The following ATAD2B variants were observed in gnomAD, a reference collection of about 807,000 sequenced individuals.
ATAD2B encodes ATPase family AAA domain containing 2B.
Under a neutral mutation model 167.6 loss-of-function variants are expected in ATAD2B, and 40 were observed. The observed-to-expected ratio is 0.24, with a 90% confidence interval of 0.19 to 0.31. The LOEUF (loss-of-function observed/expected upper bound fraction) is 0.31. Ranked by LOEUF, ATAD2B falls within the 10% of genes least tolerant of loss-of-function variation. The pLI is 1.00. For missense variants in ATAD2B, 1,242 were observed against 1,757.2 expected, an observed-to-expected ratio of 0.71 and a Z score of 5.24; for synonymous variants, 579 against 596.5, an observed-to-expected ratio of 0.97 and a Z score of 0.43.
intron 1 of ATAD2B, among the ~76,000 whole-genome samples, chr2:23,909,829 G>C (rs1455865655): frequency 6.6e-6 from 1 of 151,920 alleles, no homozygotes; most frequent in East Asian, 1.9e-4. Flanking sequence ...CTGAGGTTGA[G>C]TATTGCATAA....
intron 13 of ATAD2B, among the ~76,000 whole-genome samples, chr2:23,851,369 G>A (rs1035963247): frequency 6.6e-6 from 1 of 152,164 alleles, no homozygotes; most frequent in Non-Finnish European, 1.5e-5. Flanking sequence ...TCAAACTGCT[G>A]AGCTCAAGAG....
intron 1 of ATAD2B, among the ~76,000 whole-genome samples, chr2:23,898,213 G>C (rs1700370711): frequency 6.6e-6 from 1 of 152,158 alleles, no homozygotes; most frequent in African/African-American, 2.4e-5. Context: ...AAAGTGCTAG[G>C]ATTATAGGTG....
At chr2:23,818,109 AC>A (rs1558590760) in intron 17 of ATAD2B, among the ~76,000 whole-genome samples, 2 of 130,104 alleles carry the variant, frequency 1.5e-5, no homozygotes, top group East Asian at 4.1e-4. Flanking sequence ...ACACACACAC[AC>A]ACACACACAC....
chr2:23,890,968 A>G (rs2150320515), intron 2 of ATAD2B, among the ~76,000 whole-genome samples: 1 of 152,282 alleles, frequency 6.6e-6, no homozygotes, highest in Admixed American at 6.5e-5. Context: ...AGACTGAAAA[A>G]GGAGACACGA....
At chr2:23,842,036 C>A (rs1282570526) in intron 13 of ATAD2B, among the ~76,000 whole-genome samples, 1 of 152,122 alleles carries the variant, frequency 6.6e-6, no homozygotes, top group African/African-American at 2.4e-5. Flanking sequence ...ATAAACAACA[C>A]ATCATTATAT....
the ATAD2B span, chr2:23,688,807 C>G: frequency 2.6e-5 from 4 of 152,324 alleles, no homozygotes; most frequent in South Asian, 8.3e-4. Flanking sequence ...GCACCCCAAG[C>G]CATTCACTCC....
intron 1 of ATAD2B, among the ~76,000 whole-genome samples, chr2:23,899,596 C>CT (rs959596288): frequency 1.3e-5 from 2 of 151,348 alleles, no homozygotes; most frequent in African/African-American, 4.9e-5. Context: ...TCATTTTTTT[C>CT]TTTTTTTTCT....
the ATAD2B span, chr2:23,691,513 G>A: frequency 1.6e-6 from 1 of 618,980 alleles, no homozygotes; most frequent in South Asian, 1.9e-5. Flanking sequence ...TTCTCTTTCA[G>A]ATCCCGTGTC....
At chr2:23,855,718 G>A (rs78546640) in intron 13 of ATAD2B, among the ~76,000 whole-genome samples, 24 of 152,288 alleles carry the variant, frequency 1.6e-4, no homozygotes, top group Non-Finnish European at 2.6e-4. Flanking sequence ...GCGAGACTCC[G>A]TCTCTACAAC....
At chr2:23,861,248 A>C (rs946012224) in intron 12 of ATAD2B, among the ~76,000 whole-genome samples, 2 of 151,182 alleles carry the variant, frequency 1.3e-5, no homozygotes, top group African/African-American at 4.9e-5. Flanking sequence ...GTGTCTTCTC[A>C]GTGAAATCTC....
the ATAD2B span, among the ~76,000 whole-genome samples, chr2:23,724,771 C>T: frequency 3.9e-5 from 6 of 152,068 alleles, no homozygotes; most frequent in African/African-American, 7.2e-5. Flanking sequence ...AGGCTGGGCA[C>T]GGTGGCTCAC....
chr2:23,890,247 C>G (rs1290500382), intron 2 of ATAD2B, among the ~76,000 whole-genome samples: 2 of 151,476 alleles, frequency 1.3e-5, no homozygotes, highest in Non-Finnish European at 2.9e-5. Flanking sequence ...TAACAAAAAA[C>G]AAAACAAAAA....
intron 16 of ATAD2B, among the ~76,000 whole-genome samples, chr2:23,821,651 G>A (rs756952719): frequency 5.3e-5 from 8 of 152,082 alleles, no homozygotes; most frequent in Non-Finnish European, 1.2e-4. Flanking sequence ...TCTATTTGGT[G>A]CAGACTGCAT....
At chr2:23,759,225 T>C (rs1002705550) in intron 24 of ATAD2B, among the ~76,000 whole-genome samples, 6 of 152,166 alleles carry the variant, frequency 3.9e-5, no homozygotes, top group Admixed American at 6.5e-5. Flanking sequence ...TCTGTGGTTA[T>C]GAACATAATA....
chr2:23,843,511 T>A (rs1328452893), intron 13 of ATAD2B, among the ~76,000 whole-genome samples: 1 of 152,336 alleles, frequency 6.6e-6, no homozygotes, highest in African/African-American at 2.4e-5. Context: ...CGGGCTGTGA[T>A]ACAGGCAGAT....
At chr2:23,775,959 T>C (rs1679045785) in intron 22 of ATAD2B, among the ~76,000 whole-genome samples, 2 of 152,064 alleles carry the variant, frequency 1.3e-5, no homozygotes, top group Admixed American at 6.6e-5. Context: ...CTATTAAAAA[T>C]ACAAAAATTA....
downstream of ATAD2B, among the ~76,000 whole-genome samples, chr2:23,745,368 AGAAGGAAGGAAGGAAGGAAGGAAG>A (rs767435573): frequency 1.1e-4 from 6 of 52,884 alleles, no homozygotes; most frequent in Non-Finnish European, 1.8e-4. Flanking sequence ...AAGGAAGGAA[AGAAGGAAGGAAGGAAGGAAGGAAG>A]GAAGGAAGGA....
chr2:23,774,239 G>A (rs1024893891), intron 22 of ATAD2B, among the ~76,000 whole-genome samples: 1 of 152,144 alleles, frequency 6.6e-6, no homozygotes, highest in Non-Finnish European at 1.5e-5. Flanking sequence ...AGGATCACTT[G>A]AAGAGTTTGA....
chr2:23,884,699 T>C, intron 6 of ATAD2B, 66 bp downstream of exon 6: 1 of 838,414 alleles, frequency 1.2e-6, no homozygotes. Context: ...CATATATTAC[T>C]TGTATATTTT....
Sources: gnomAD v4.1 joint callset for allele counts (sites outside exome capture counted in the v4.1 genomes callset) on GRCh38, gnomAD v4.1.1 for gene constraint, MANE v1.5 for transcripts, NCBI Gene and HGNC (gene_info 2026-07-23, HGNC 2026-07-21) for gene names.